SAP130: variants seen among roughly 807,000 people sequenced by gnomAD.
SAP130 encodes the protein histone deacetylase complex subunit SAP130.
SAP130 carries 16 observed loss-of-function variants against 103.2 expected under a neutral mutation model. The observed-to-expected ratio is 0.16, with a 90% CI of 0.10 to 0.24. The LOEUF is 0.24. Among genes scored for constraint, SAP130 ranks in the 10% least tolerant of loss-of-function variants. The probability of loss-of-function intolerance (pLI) is 1.00; values close to 1 mark genes in which losing one functional copy is unlikely to be tolerated. For synonymous variants in SAP130, 477 were observed against 497.0 expected, an observed-to-expected ratio of 0.96 and a Z score of 0.53; for missense variants, 990 against 1,359.7, an observed-to-expected ratio of 0.73 and a Z score of 4.28.
In SAP130 at chr2:127,981,095, C is replaced by T. The variant is rs1681835432; in HGVS notation, c.1959-3006G>A. On this transcript the variant is annotated intron_variant, in intron 14 of 20. Coordinates refer to ENST00000643581, the MANE Select transcript of SAP130 (RefSeq NM_001330301.2). ...TTTCCTTCCCCTCCCACAGGCCTTA[C>T]AATACAGTCCCTTGCACTCTCCTCA... Among the ~76,000 whole-genome samples the T allele has an allele frequency of 1.3e-5, 2 of 151,922 alleles. 1 individual carries two copies. Among genetic ancestry groups the T allele is most frequent in the South Asian group, 4.1e-4 (2 of 4,822 alleles).
intron 5 of SAP130, among the ~76,000 whole-genome samples, chr2:128,013,738 T>C (rs1265402333): frequency 2.0e-5 from 3 of 152,202 alleles, no homozygotes; most frequent in Non-Finnish European, 4.4e-5. Flanking sequence ...AATTCATTTA[T>C]TACCTCACAA....
At chr2:128,005,613 A>G (rs1171909375) in intron 7 of SAP130, among the ~76,000 whole-genome samples, 2 of 152,112 alleles carry the variant, frequency 1.3e-5, no homozygotes, top group Admixed American at 6.5e-5. Flanking sequence ...TCTCAAAAGA[A>G]AAAAAAACAA....
intron 16 of SAP130, among the ~76,000 whole-genome samples, chr2:127,950,871 A>G (rs1679453264): frequency 6.6e-6 from 1 of 152,186 alleles, no homozygotes; most frequent in Non-Finnish European, 1.5e-5. Context: ...GGGGTGGTGG[A>G]GCAAAGAGGT....
intron 10 of SAP130, among the ~76,000 whole-genome samples, chr2:127,998,542 C>A (rs1683328663): frequency 6.6e-6 from 1 of 152,144 alleles, no homozygotes. Flanking sequence ...AACTGAGCTA[C>A]CTTTCTTAGA....
At chr2:127,952,472 C>T (rs1234198526) in intron 16 of SAP130, among the ~76,000 whole-genome samples, 3 of 136,652 alleles carry the variant, frequency 2.2e-5, no homozygotes, top group African/African-American at 3.1e-5. Context: ...AAAAAAAAAT[C>T]TTCTTGACAT....
intron 14 of SAP130, among the ~76,000 whole-genome samples, chr2:127,984,919 A>C (rs1682263503): frequency 6.6e-6 from 1 of 152,200 alleles, no homozygotes; most frequent in East Asian, 1.9e-4. Context: ...AAAGGTTTTA[A>C]CTTATCCTCC....
rs145518662 is a variant in SAP130 at position 127,950,045 on chromosome 2, A to G, written c.2672-51T>C. 6 of 1,610,358 alleles carry G rather than the reference A, an allele frequency of 3.7e-6. No individual in the cohort carries two copies. The East Asian group carries it at 1.1e-4, about 30-fold the overall frequency. ...CTTAGTAACACTGTCAACAATCCTC[A>G]AAGTTCATTTCCAGTAAGTGAGGTA... On this transcript the variant is annotated intron_variant, in intron 17 of 20. Transcript: ENST00000643581.
At chr2:127,967,477 G>A (rs1680740009) in intron 15 of SAP130, among the ~76,000 whole-genome samples, 2 of 152,218 alleles carry the variant, frequency 1.3e-5, no homozygotes, top group Admixed American at 1.3e-4. Context: ...TCAGCTCATG[G>A]CAAACTCTGC....
chr2:127,999,703 C>A, intron 10 of SAP130, 38 bp downstream of exon 10: 1 of 1,267,640 alleles, frequency 7.9e-7, no homozygotes, highest in Non-Finnish European at 1.1e-6. Context: ...TTACAGCACT[C>A]CTGGTAAGCT....
chr2:127,956,693 AAAGTAT>A (rs1679863431), intron 15 of SAP130, among the ~76,000 whole-genome samples: 2 of 101,946 alleles, frequency 2.0e-5, no homozygotes, highest in African/African-American at 7.3e-5. Context: ...CCTAGAACTT[AAAGTAT>A]AATAAAAAAA....
At chr2:127,944,901 C>CA (rs1188253573) in intron 19 of SAP130, among the ~76,000 whole-genome samples, 2,841 of 77,072 alleles carry the variant, frequency 0.037, 110 homozygotes, top group African/African-American at 0.11. Context: ...GACCTTGTCT[C>CA]AAAAAAAAAA....
intron 6 of SAP130, among the ~76,000 whole-genome samples, 169 bp from the exon 7 acceptor site, chr2:128,010,562 T>C (rs1261896383): frequency 6.6e-6 from 1 of 152,206 alleles, no homozygotes; most frequent in East Asian, 1.9e-4. Context: ...TAGGTTGTTA[T>C]AAGACCAAGA....
In SAP130 at chr2:127,955,309, G is replaced by A; in HGVS notation, c.2099C>T (p.Ala700Val). The change falls in exon 16 of 21, where the codon GCC (alanine) becomes GTC (valine). Residue 700 changes from alanine to valine, a missense_variant. Physicochemically the swap from Ala to Val is moderately conservative, Grantham distance 64. Coordinates refer to ENST00000643581, the MANE Select transcript of SAP130 (RefSeq NM_001330301.2). The surrounding 1 kb of genome is among the most constrained non-coding windows in gnomAD (Gnocchi z 4.9). ...KPKSEIHVSM[A>V]TPVTVSMETV... is the part of the protein sequence containing the mutation. ...CTCCATGGACACAGTGACCGGAGTG[G>A]CCATAGACACGTGGATTTCAGACTT... 2 of 1,586,774 alleles carry A rather than the reference G, an allele frequency of 1.3e-6. No individual in the cohort carries two copies. Among genetic ancestry groups the A allele is most frequent in the Non-Finnish European group, 1.7e-6 (2 of 1,160,732 alleles).
chr2:128,017,598 C>T (rs1192872744), intron 3 of SAP130, 82 bp downstream of exon 3: 34 of 1,217,376 alleles, frequency 2.8e-5, no homozygotes. Context: ...TAAGATACAG[C>T]CTAAGATTTT....
chr2:128,002,283 T>C lies in SAP130; in HGVS notation c.870-1829A>G, dbSNP rs573101470. Among the ~76,000 whole-genome samples, 525 of 152,324 alleles carry C rather than the reference T, an allele frequency of 3.4e-3. 4 individuals are homozygous for C. Among genetic ancestry groups the C allele is most frequent in the Non-Finnish European group, 6.1e-3 (418 of 68,028 alleles). On this transcript the variant is annotated intron_variant, in intron 7 of 20. Coordinates refer to ENST00000643581, the MANE Select transcript of SAP130 (RefSeq NM_001330301.2). ...TTTAAAACAGGTGGTGGCTCACGTCTGTAATCCTAGCATTTTGGGAGGCTG... is the reference window on the plus strand; with the variant it reads ...TTTAAAACAGGTGGTGGCTCACGTCCGTAATCCTAGCATTTTGGGAGGCTG...
intron 3 of SAP130, among the ~76,000 whole-genome samples, chr2:128,017,194 C>T (rs375554816): frequency 3.9e-5 from 6 of 152,098 alleles, no homozygotes; most frequent in Non-Finnish European, 8.8e-5. Flanking sequence ...TAGTGACGTG[C>T]GCCTGTAATA....
intron 4 of SAP130, 34 bp from the exon 5 acceptor site, chr2:128,014,948 T>C (rs1218677167): frequency 3.8e-6 from 6 of 1,579,270 alleles, no homozygotes; most frequent in Non-Finnish European, 5.2e-6. Flanking sequence ...TATTTTTACA[T>C]GTTTGCTCTT....
chr2:127,987,222 T>C (rs889459141), intron 13 of SAP130, among the ~76,000 whole-genome samples: 7 of 152,228 alleles, frequency 4.6e-5, no homozygotes, highest in Admixed American at 4.6e-4. Context: ...TCTTGCTCTC[T>C]TGCCCAGGCT....
chr2:127,990,938 C>CAAAA (rs36073149), intron 12 of SAP130, among the ~76,000 whole-genome samples: 3 of 119,484 alleles, frequency 2.5e-5, no homozygotes, highest in African/African-American at 3.4e-5. Context: ...AAGACTGTCT[C>CAAAA]AAAAAAAAAA....
Sources: allele counts gnomAD v4.1 joint callset (sites outside exome capture counted in the v4.1 genomes callset), GRCh38; gene constraint gnomAD v4.1.1; non-coding constraint Gnocchi (gnomAD v3.1); transcripts MANE v1.5; gene names NCBI Gene and HGNC (gene_info 2026-07-23, HGNC 2026-07-21).